ZNF831: variants seen among roughly 807,000 people sequenced by gnomAD.
ZNF831 encodes zinc finger protein 831.
Under a neutral mutation model 95.8 loss-of-function variants are expected in ZNF831, and 59 were observed. The ratio of observed to expected loss-of-function variants is 0.62; its 90% CI spans 0.50 to 0.77. ZNF831 has a LOEUF of 0.77. Ranked by LOEUF, ZNF831 falls within the 30% of genes least tolerant of loss-of-function variation. ZNF831 has a pLI of 0.00. For synonymous variants in ZNF831, 961 were observed against 925.5 expected (o/e 1.04, Z -0.70); for missense variants, 2,205 against 2,164.0 (o/e 1.02, Z -0.38).
rs780940958 is a variant in ZNF831, at chr20:59,191,685, G to GC, written c.672dup (p.Arg225GlnfsTer76). The stretch of plus-strand genomic sequence containing the variant: ...TGGAGGAAGGGGACAAGGCCGGAGA[G>GC]CCCCCCAGACCAGAGGGCAGGGGCG... On this transcript the variant is annotated frameshift_variant, in exon 2 of 6. Transcript: ENST00000371030. LOFTEE classifies it high-confidence loss of function. 8 of 1,558,708 alleles carry GC rather than the reference G, an allele frequency of 5.1e-6. No homozygotes were observed. The highest frequency in any genetic ancestry group is 6.1e-6 in the Non-Finnish European group (7 of 1,152,374).
chr20:59,223,105 A>T (rs1447485686), intron 4 of ZNF831, among the ~76,000 whole-genome samples: 1 of 152,092 alleles, frequency 6.6e-6, no homozygotes, highest in Non-Finnish European at 1.5e-5. Context: ...CCAGCTGATA[A>T]CAGGAGGAGG....
intron 4 of ZNF831, among the ~76,000 whole-genome samples, chr20:59,231,516 TA>T (rs537887739): frequency 9.6e-4 from 146 of 151,400 alleles, no homozygotes; most frequent in Non-Finnish European, 1.5e-3. Flanking sequence ...AAAGTCAAGT[TA>T]AAAAAAAATG....
rs1985772102 is a variant in ZNF831 at position 59,217,460 on chromosome 20, G to T, written c.4027+10404G>T. 6.6e-6 allele frequency among the ~76,000 whole-genome samples: 1 copy of T among 152,156 alleles called. No individual in the cohort carries two copies. The highest frequency in any genetic ancestry group is 6.5e-5 in the Admixed American group (1 of 15,280). ...TTAGCCCAGGCAGGGTTTGCTCTAG[G>T]GAATAACCAAGAAGAGAAATTGCTG... On this transcript the variant is annotated intron_variant, in intron 4 of 5. Transcript: ENST00000371030. The surrounding 1 kb of genome is among the most constrained non-coding windows in gnomAD (Gnocchi z 4.4).
chr20:59,204,911 C>T (rs1001017164), intron 3 of ZNF831, among the ~76,000 whole-genome samples: 3 of 152,178 alleles, frequency 2.0e-5, no homozygotes, highest in Admixed American at 6.5e-5. Flanking sequence ...GAGAGAGAAA[C>T]GTACCCTGCC....
chr20:59,223,971 CCA>C (rs1349341656), intron 4 of ZNF831, among the ~76,000 whole-genome samples: 8 of 152,232 alleles, frequency 5.3e-5, no homozygotes, highest in Non-Finnish European at 1.2e-4. Context: ...CTGTCATCCA[CCA>C]CCCCCACATC....
Position 59,192,229 on chromosome 20 carries a change from C to G in ZNF831, c.1210C>G (p.Leu404Val), listed in dbSNP as rs2146561958. The G allele has an allele frequency of 6.3e-7, 1 of 1,593,486 alleles. No individual in the cohort carries two copies. The highest frequency in any genetic ancestry group is 1.7e-5 in the Admixed American group (1 of 57,714). Residue 404 changes from leucine (L) to valine (V), a missense_variant, in exon 2 of 6, where the codon CTG (leucine) becomes GTG (valine). By Grantham distance (32) the Leu-to-Val change is conservative. Transcript: ENST00000371030. This position sits in a 1 kb window ranked among gnomAD's most constrained non-coding sequence, Gnocchi z 5.2. ...CGGCCTGGAGCTGGAGAAGAAGCGGCTGGAGGAGCGCATCGCCCAGCTCAT... is the reference window on the plus strand; with the variant it reads ...CGGCCTGGAGCTGGAGAAGAAGCGGGTGGAGGAGCGCATCGCCCAGCTCAT... ...EAGLELEKKR[L>V]EERIAQLISH...
chr20:59,178,905 C>T (rs1449640395), intron 1 of ZNF831, among the ~76,000 whole-genome samples: 1 of 152,144 alleles, frequency 6.6e-6, no homozygotes, highest in Non-Finnish European at 1.5e-5. Context: ...GGATTTGGGT[C>T]GTCCTCCAGA....
intron 1 of ZNF831, among the ~76,000 whole-genome samples, chr20:59,173,165 G>T (rs1981876007): frequency 6.6e-6 from 1 of 152,182 alleles, no homozygotes. Context: ...GGAGGTCAAT[G>T]TTGTCAGTTT....
At chr20:59,229,951 C>T (rs1986634929) in intron 4 of ZNF831, among the ~76,000 whole-genome samples, 1 of 152,062 alleles carries the variant, frequency 6.6e-6, no homozygotes, top group African/African-American at 2.4e-5. Context: ...AAAGAATATT[C>T]TAGAGGGGCA....
At chr20:59,175,332 C>T (rs1440525983) in intron 1 of ZNF831, among the ~76,000 whole-genome samples, 5 of 152,116 alleles carry the variant, frequency 3.3e-5, no homozygotes, top group Non-Finnish European at 7.4e-5. Context: ...TTAAGCTCAT[C>T]TTCTTTCTCT....
intron 3 of ZNF831, among the ~76,000 whole-genome samples, chr20:59,204,380 C>T (rs141029524): frequency 1.8e-4 from 27 of 151,790 alleles, no homozygotes; most frequent in African/African-American, 4.9e-4. Flanking sequence ...CCTGAGTCCA[C>T]GTGGCCTCTG....
chr20:59,196,387 C>G (rs1041817457), intron 3 of ZNF831, among the ~76,000 whole-genome samples: 1 of 152,304 alleles, frequency 6.6e-6, no homozygotes, highest in South Asian at 2.1e-4. Flanking sequence ...AATAAAACAT[C>G]CTAGTAATCT....
chr20:59,251,115 T>G (rs1987865818), intron 4 of ZNF831, among the ~76,000 whole-genome samples: 1 of 152,182 alleles, frequency 6.6e-6, no homozygotes, highest in African/African-American at 2.4e-5. Flanking sequence ...TAATCTAATT[T>G]AGCCAACCTA....
rs200400994 is a variant in ZNF831, at chr20:59,193,772, C to T, written c.2753C>T (p.Ser918Leu). The T allele has an allele frequency of 1.2e-5, 19 of 1,606,632 alleles. No homozygotes were observed. The highest frequency in any genetic ancestry group is 5.0e-5 in the Admixed American group (3 of 59,424). The stretch of plus-strand genomic sequence containing the variant: ...GCCCCAGCCCCCGCAGAGCACCCCT[C>T]GCTGGCCACCCCACCTCAGGCTCCT... ...PAAPAPAEHPSLATPPQAPRV... is the reference protein window; with the variant it reads ...PAAPAPAEHPLLATPPQAPRV... The change falls in exon 2 of 6, where the codon TCG becomes TTG. Residue 918 changes from serine (S) to leucine (L), a missense_variant. Coordinates refer to ENST00000371030, the MANE Select transcript of ZNF831 (RefSeq NM_178457.3).
chr20:59,242,632 A>G (rs1305441521), intron 4 of ZNF831, among the ~76,000 whole-genome samples: 1 of 152,282 alleles, frequency 6.6e-6, no homozygotes. Flanking sequence ...GAGTACCACT[A>G]AGAAAAGTAA....
chr20:59,126,113 T>G (rs1454188564), intron 1 of ZNF831, among the ~76,000 whole-genome samples: 2 of 152,216 alleles, frequency 1.3e-5, no homozygotes, highest in Non-Finnish European at 2.9e-5. Context: ...TTACCCATGC[T>G]GGAAGTATCA....
At chr20:59,212,154 G>A (rs556404208) in intron 4 of ZNF831, among the ~76,000 whole-genome samples, 1 of 152,220 alleles carries the variant, frequency 6.6e-6, no homozygotes, top group South Asian at 2.1e-4. Flanking sequence ...GACACTTCCT[G>A]TCAATAACTT....
At chr20:59,210,658 T>C (rs923017837) in intron 4 of ZNF831, among the ~76,000 whole-genome samples, 2 of 152,140 alleles carry the variant, frequency 1.3e-5, no homozygotes, top group African/African-American at 4.8e-5. Context: ...CCTTCTTCCC[T>C]TCAGCCTCAG....
chr20:59,193,839 G>A lies in ZNF831; in HGVS notation c.2820G>A (p.Lys940=), dbSNP rs777324295. 5 of 1,613,352 alleles carry A rather than the reference G, an allele frequency of 3.1e-6. No individual in the cohort carries two copies. The highest frequency in any genetic ancestry group is 3.4e-6 in the Non-Finnish European group (4 of 1,179,634). ...TGGCAGATAATGCCTTTTCCCCCAA[G>A]TACCTCCTCAGGTTACCTCAGGCAG... ...SALADNAFSP[K]YLLRLPQAET... The change falls in exon 2 of 6, where the codon AAG becomes AAA. Residue 940 remains lysine, a synonymous_variant. Coordinates refer to ENST00000371030, the MANE Select transcript of ZNF831 (RefSeq NM_178457.3).
Sources: allele counts gnomAD v4.1 joint callset (sites outside exome capture counted in the v4.1 genomes callset), GRCh38; gene constraint gnomAD v4.1.1; non-coding constraint Gnocchi (gnomAD v3.1); transcripts MANE v1.5; gene names NCBI Gene and HGNC (gene_info 2026-07-23, HGNC 2026-07-21).